The following PCDH15 variants were observed in gnomAD, a reference collection of about 807,000 sequenced individuals.
PCDH15 encodes protocadherin-15.
PCDH15 carries 129 observed loss-of-function variants against 178.5 expected under a neutral mutation model. The ratio of observed to expected loss-of-function variants is 0.72; its 90% CI spans 0.63 to 0.84. PCDH15 has a LOEUF of 0.84. Ranked by LOEUF, PCDH15 falls within the 40% of genes least tolerant of loss-of-function variation. The pLI is 0.00. For synonymous variants in PCDH15, 800 were observed against 732.0 expected, an observed-to-expected ratio of 1.09 and a Z score of -1.50; for missense variants, 2,230 against 2,099.9, an observed-to-expected ratio of 1.06 and a Z score of -1.21.
At chr10:54,121,195 T>TTTTTTTTTTTTTTTTTGAG (rs1468310840) in intron 15 of PCDH15, among the ~76,000 whole-genome samples, 3 of 152,006 alleles carry the variant, frequency 2.0e-5, no homozygotes, top group African/African-American at 4.8e-5. Context: ...GAGTGACTTT[T>TTTTTTTTTTTTTTTTTGAG]AAGTAAACAA....
chr10:54,364,850 C>T (rs951943584), intron 5 of PCDH15, among the ~76,000 whole-genome samples: 3 of 152,048 alleles, frequency 2.0e-5, no homozygotes, highest in South Asian at 2.1e-4. Context: ...AGATTATTGG[C>T]TGTATTTATT....
At chr10:53,810,020 T>G (rs2075808636) in intron 37 of PCDH15, among the ~76,000 whole-genome samples, 1 of 152,178 alleles carries the variant, frequency 6.6e-6, no homozygotes, top group South Asian at 2.1e-4. Flanking sequence ...ATTTATTTCT[T>G]GTTAGTGTTG....
chr10:54,617,617 A>G (rs1414296019), intron 2 of PCDH15, among the ~76,000 whole-genome samples: 1 of 151,784 alleles, frequency 6.6e-6, no homozygotes, highest in Non-Finnish European at 1.5e-5. Flanking sequence ...AGTCATTACT[A>G]TATATTAAAA....
At chr10:55,190,250 G>GTTACATATCTTATTTT (rs1564877262) in intron 1 of PCDH15, among the ~76,000 whole-genome samples, 4 of 124,118 alleles carry the variant, frequency 3.2e-5, no homozygotes, top group African/African-American at 1.1e-4. Flanking sequence ...GTGTCATATT[G>GTTACATATCTTATTTT]GCTCTGAAGT....
In PCDH15 at chr10:55,395,196, T is replaced by TGAGAGA. The variant is rs55765914; in HGVS notation, c.-155-228551_-155-228546dup. On this transcript the variant is annotated intron_variant, in intron 2 of 5. Coordinates refer to the PCDH15 transcript ENST00000613346. Reference sequence around the variant, plus strand: ...GTGTGTGTGTGTGTGTGTGTGTGTGTGAGAGAGAGAGAGAGAGAGAGAGAG... The same window carrying TGAGAGA: ...GTGTGTGTGTGTGTGTGTGTGTGTGTGAGAGAGAGAGAGAGAGAGAGAGAGAGAGAG... 2.7e-4 allele frequency among the ~76,000 whole-genome samples: 34 copies of TGAGAGA among 126,696 alleles called. No homozygotes were observed. In the East Asian group the frequency reaches 6.9e-3, roughly 26 times the overall value. 83.1% of individuals were successfully genotyped at this position (126,696 alleles called of 152,430 possible).
In PCDH15 at chr10:55,256,366, G is replaced by A. The variant is rs763318282; in HGVS notation, c.-156+63233C>T. ...CGGGTTCATCTCACTGGGGAGTGTC[G>A]GAAAGTGGGTGCAGGACAGTGGGTG... On this transcript the variant is annotated intron_variant, in intron 1 of 5. Coordinates refer to the PCDH15 transcript ENST00000458638. Among the ~76,000 whole-genome samples the A allele has an allele frequency of 1.4e-4, 22 of 152,134 alleles. 1 individual carries two copies. Among genetic ancestry groups the A allele is most frequent in the African/African-American group, 2.4e-4 (10 of 41,420 alleles).
chr10:54,061,253 T>C (rs922606856), intron 18 of PCDH15, among the ~76,000 whole-genome samples: 4 of 152,190 alleles, frequency 2.6e-5, no homozygotes, highest in African/African-American at 7.2e-5. Flanking sequence ...TGCATGCTTG[T>C]GGTCCACAGT....
intron 13 of PCDH15, among the ~76,000 whole-genome samples, chr10:54,162,106 C>G (rs988668083): frequency 1.1e-4 from 17 of 152,050 alleles, no homozygotes; most frequent in African/African-American, 4.1e-4. Context: ...GATATTTATC[C>G]ATTTTTTTCT....
Position 55,510,614 on chromosome 10 carries a change from T to G in PCDH15, c.-156+117011A>C, listed in dbSNP as rs577109577. On this transcript the variant is annotated intron_variant, in intron 2 of 5. Transcript: ENST00000613346. ...TCAGGTGTTTCCTTGTTTGTTCTGG[T>G]AATTTAGCTTTTAAAATTTATGTAT... Among the ~76,000 whole-genome samples, 4 of 152,072 alleles carry G rather than the reference T, an allele frequency of 2.6e-5. 1 individual carries two copies. In the South Asian group the frequency reaches 8.3e-4, roughly 31 times the overall value.
intron 2 of PCDH15, among the ~76,000 whole-genome samples, chr10:55,114,740 A>G (rs1837589467): frequency 6.6e-6 from 1 of 152,206 alleles, no homozygotes. Context: ...CAAGATGGAA[A>G]GGGTCTGGAT....
rs185870700 is a variant in PCDH15 at position 55,260,327 on chromosome 10, T to C, written c.-156+59272A>G. ...AAGCCAATGAAGAAGGAAGCAAATA[T>C]AGAGGAGGAAAGGGGATAAAAGGAA... is the stretch of plus-strand genomic sequence containing the variant. On this transcript the variant is annotated intron_variant, in intron 1 of 5. Transcript: ENST00000458638. Among the ~76,000 whole-genome samples the C allele has an allele frequency of 9.9e-5, 15 of 152,014 alleles. No individual in the cohort carries two copies. The East Asian group carries it at 2.3e-3, about 24-fold the overall frequency.
chr10:54,750,348 T>G (rs2132960272), intron 1 of PCDH15, among the ~76,000 whole-genome samples: 1 of 152,174 alleles, frequency 6.6e-6, no homozygotes, highest in South Asian at 2.1e-4. Context: ...CAGTAAATAA[T>G]TAACTCCCAC....
intron 1 of PCDH15, among the ~76,000 whole-genome samples, chr10:55,280,932 G>T (rs1165629092): frequency 2.0e-5 from 3 of 152,166 alleles, no homozygotes; most frequent in Admixed American, 6.5e-5. Context: ...TACAATTACT[G>T]AACTGATTTT....
intron 1 of PCDH15, among the ~76,000 whole-genome samples, chr10:55,281,682 A>T (rs761770318): frequency 6.6e-6 from 1 of 152,142 alleles, no homozygotes; most frequent in Non-Finnish European, 1.5e-5. Flanking sequence ...ATCTCCGTGG[A>T]TCAAATCCAT....
At chr10:53,881,574 T>G (rs998298784) in intron 26 of PCDH15, among the ~76,000 whole-genome samples, 1 of 152,110 alleles carries the variant, frequency 6.6e-6, no homozygotes, top group African/African-American at 2.4e-5. Context: ...ATAATAAAAT[T>G]TATCTTTTGA....
At chr10:54,708,171 G>C (rs1237255909) in intron 1 of PCDH15, among the ~76,000 whole-genome samples, 1 of 152,206 alleles carries the variant, frequency 6.6e-6, no homozygotes, top group Non-Finnish European at 1.5e-5. Flanking sequence ...CCACGACACA[G>C]AGGACATGTT....
chr10:55,576,777 T>G (rs1425240854), intron 2 of PCDH15, among the ~76,000 whole-genome samples: 2 of 151,676 alleles, frequency 1.3e-5, no homozygotes, highest in Non-Finnish European at 2.9e-5. Context: ...GACAAAATAG[T>G]GAAAGCAATA....
chr10:54,705,925 G>A (rs1231363478), intron 1 of PCDH15, among the ~76,000 whole-genome samples: 1 of 152,048 alleles, frequency 6.6e-6, no homozygotes, highest in Non-Finnish European at 1.5e-5. Flanking sequence ...GGTATCAACG[G>A]TACAGTGAAA....
rs1205616527 is a variant in PCDH15 at position 55,582,615 on chromosome 10, TA to T, written c.-156+45009del. 8.0e-3 allele frequency among the ~76,000 whole-genome samples: 769 copies of T among 96,412 alleles called. 17 individuals carry two copies. The highest frequency in any genetic ancestry group is 0.024 in the African/African-American group (471 of 19,806). The allele number at this position is 96,412 out of a possible 152,430, so 63.3% of individuals were successfully genotyped here. On this transcript the variant is annotated intron_variant, in intron 2 of 5. Transcript: ENST00000613346. ...GTATGTGTATATATATATATATATA[TA>T]TATATATATATATTTTTTTTTTTTT...
Sources: gnomAD v4.1 joint callset for allele counts (sites outside exome capture counted in the v4.1 genomes callset) on GRCh38, gnomAD v4.1.1 for gene constraint, MANE v1.5 for transcripts, NCBI Gene and HGNC (gene_info 2026-07-23, HGNC 2026-07-21) for gene names.